ARNT2: variants seen among roughly 807,000 people sequenced by gnomAD.
ARNT2 encodes the protein ARNT protein 2.
Under a neutral mutation model 91.7 loss-of-function variants are expected in ARNT2, and 36 were observed. The observed-to-expected ratio is 0.39, with a 90% CI of 0.30 to 0.52. The LOEUF is 0.52. Ranked by LOEUF, ARNT2 falls within the 20% of genes least tolerant of loss-of-function variation. The pLI, the probability that ARNT2 is intolerant of heterozygous loss-of-function variation, is 0.72. For synonymous variants in ARNT2, 365 were observed against 347.1 expected, an observed-to-expected ratio of 1.05 and a Z score of -0.57; for missense variants, 775 against 939.3, an observed-to-expected ratio of 0.83 and a Z score of 2.29.
At chr15:80,477,936 G>A (rs1421807915) in intron 5 of ARNT2, among the ~76,000 whole-genome samples, 1 of 152,166 alleles carries the variant, frequency 6.6e-6, no homozygotes, top group East Asian at 1.9e-4. Flanking sequence ...TAAAAAAGGA[G>A]GAAGAGGATA....
intron 1 of ARNT2, among the ~76,000 whole-genome samples, chr15:80,438,156 A>G (rs1406539327): frequency 6.6e-6 from 1 of 152,216 alleles, no homozygotes; most frequent in Non-Finnish European, 1.5e-5. Context: ...GATTCCTCAC[A>G]TTGTAAAGTT....
chr15:80,543,439 A>G (rs1165949138), intron 8 of ARNT2, among the ~76,000 whole-genome samples: 1 of 152,222 alleles, frequency 6.6e-6, no homozygotes, highest in Non-Finnish European at 1.5e-5. Flanking sequence ...TCTCATTTCA[A>G]GCTGACAGTA....
chr15:80,553,834 A>G (rs1464859663), intron 10 of ARNT2, among the ~76,000 whole-genome samples: 1 of 152,242 alleles, frequency 6.6e-6, no homozygotes, highest in Non-Finnish European at 1.5e-5. Flanking sequence ...AAGCAGTTCA[A>G]ACTAGAACTA....
At chr15:80,434,407 G>A (rs1896056009) in intron 1 of ARNT2, 1 of 152,206 alleles carries the variant, frequency 6.6e-6, no homozygotes, top group East Asian at 1.9e-4. Context: ...TGCCTTTGCT[G>A]CGTGGATTTT....
intron 6 of ARNT2, 106 bp downstream of exon 6, chr15:80,508,364 G>C: frequency 9.3e-7 from 1 of 1,080,646 alleles, no homozygotes. Context: ...TGCCAACGTG[G>C]GTTCACTCCA....
At chr15:80,452,249 A>G (rs1896405109) in intron 2 of ARNT2, among the ~76,000 whole-genome samples, 2 of 152,352 alleles carry the variant, frequency 1.3e-5, no homozygotes, top group South Asian at 4.1e-4. Flanking sequence ...TGGTTATGCC[A>G]GCTTTCCCTG....
chr15:80,423,404 C>T (rs890200295), intron 1 of ARNT2, among the ~76,000 whole-genome samples: 3 of 152,176 alleles, frequency 2.0e-5, no homozygotes, highest in Admixed American at 2.0e-4. Flanking sequence ...ATGTTGCTTA[C>T]ACTGGGAACG....
intron 1 of ARNT2, among the ~76,000 whole-genome samples, chr15:80,405,474 A>T (rs1353797215): frequency 6.6e-6 from 1 of 152,106 alleles, no homozygotes; most frequent in African/African-American, 2.4e-5. Flanking sequence ...GAGGGAGGTC[A>T]TGTGTTGGAG....
chr15:80,444,792 GTGTA>G (rs1307489732), intron 1 of ARNT2: 1 of 150,840 alleles, frequency 6.6e-6, no homozygotes, highest in Non-Finnish European at 1.5e-5. Context: ...TGTGAATGGT[GTGTA>G]TGTGTGTTGT....
chr15:80,475,004 T>A lies in ARNT2; in HGVS notation c.409-6T>A. On this transcript the variant is annotated splice_polypyrimidine_tract_variant and splice_region_variant and intron_variant, in intron 4 of 18. Coordinates refer to ENST00000303329, the MANE Select transcript of ARNT2 (RefSeq NM_014862.4). Reference sequence around the variant, plus strand: ...TATTGTGCCAATCATAATCTTTTCTTTATAGGAACTGAAGCATCTCATCCT... The same window carrying A: ...TATTGTGCCAATCATAATCTTTTCTATATAGGAACTGAAGCATCTCATCCT... The A allele has an allele frequency of 6.2e-7, 1 of 1,613,926 alleles. No individual in the cohort carries two copies.
At chr15:80,433,354 C>T (rs1340859382) in intron 1 of ARNT2, among the ~76,000 whole-genome samples, 6 of 150,702 alleles carry the variant, frequency 4.0e-5, no homozygotes, top group South Asian at 2.1e-4. Context: ...GGTGCGATCT[C>T]GGCTCACTGC....
intron 8 of ARNT2, among the ~76,000 whole-genome samples, chr15:80,548,515 T>A (rs1030859544): frequency 6.6e-6 from 1 of 152,088 alleles, no homozygotes; most frequent in Non-Finnish European, 1.5e-5. Context: ...GATTATATAA[T>A]ATTACACCTG....
Position 80,575,010 on chromosome 15 carries a change from C to T in ARNT2, c.1413C>T (p.Ala471=), listed in dbSNP as rs201074895. The change falls in exon 14 of 19, where the codon GCC becomes GCT. Residue 471 remains alanine, a synonymous_variant. Transcript: ENST00000303329. ...AGGTCCCCGTCCCCAACCTACCAGC[C>T]GGTGTTCATGAGGCCGGGAAGTCCG... ...LSQVPVPNLP[A]GVHEAGKSVE... 44 of 1,613,942 alleles carry T rather than the reference C, an allele frequency of 2.7e-5. No individual in the cohort carries two copies. The highest frequency in any genetic ancestry group is 6.7e-5 in the East Asian group (3 of 44,890).
At chr15:80,521,567 C>A (rs1897546736) in intron 8 of ARNT2, among the ~76,000 whole-genome samples, 1 of 152,120 alleles carries the variant, frequency 6.6e-6, no homozygotes, top group Non-Finnish European at 1.5e-5. Flanking sequence ...TGTTACAAAT[C>A]AAGCTGCAAA....
intron 5 of ARNT2, among the ~76,000 whole-genome samples, chr15:80,501,395 G>T (rs916779080): frequency 6.6e-6 from 1 of 152,174 alleles, no homozygotes; most frequent in Non-Finnish European, 1.5e-5. Flanking sequence ...CATAGAAAAA[G>T]ACTGACCAGA....
intron 8 of ARNT2, among the ~76,000 whole-genome samples, chr15:80,517,931 AG>A (rs1368900753): frequency 6.6e-6 from 1 of 152,156 alleles, no homozygotes; most frequent in Non-Finnish European, 1.5e-5. Flanking sequence ...AGAGTTTATA[AG>A]TTATTAATCA....
intron 10 of ARNT2, among the ~76,000 whole-genome samples, chr15:80,554,192 T>G (rs1898135214): frequency 6.6e-6 from 1 of 152,142 alleles, no homozygotes; most frequent in South Asian, 2.1e-4. Flanking sequence ...GTGGATCACT[T>G]GAGGTCAGGA....
chr15:80,530,810 A>G (rs1240265799), intron 8 of ARNT2, among the ~76,000 whole-genome samples: 1 of 152,158 alleles, frequency 6.6e-6, no homozygotes, highest in Non-Finnish European at 1.5e-5. Flanking sequence ...ACTCCCCAAA[A>G]TATCTTCCAA....
At chr15:80,576,666 C>G (rs1898681343) in intron 14 of ARNT2, among the ~76,000 whole-genome samples, 200 bp from the exon 15 acceptor site, 1 of 152,238 alleles carries the variant, frequency 6.6e-6, no homozygotes, top group South Asian at 2.1e-4. Flanking sequence ...AACAACAGCC[C>G]AGTGCCTTCA....
Sources: allele counts gnomAD v4.1 joint callset (sites outside exome capture counted in the v4.1 genomes callset), GRCh38; gene constraint gnomAD v4.1.1; transcripts MANE v1.5; gene names NCBI Gene and HGNC (gene_info 2026-07-23, HGNC 2026-07-21).